Variants in SATL1 observed in about 807,000 individuals in gnomAD.
SATL1 encodes spermidine/spermine N1-acetyl transferase like 1, also known as spermidine/spermine N(1)-acetyltransferase-like protein 1.
In SATL1, 47 loss-of-function variants were observed where a neutral mutation model predicts 51.8. That is an observed-to-expected ratio of 0.91 (90% CI 0.72 to 1.16). SATL1 has a LOEUF of 1.16. Ranked by LOEUF, SATL1 falls within the 50% of genes most tolerant of loss-of-function variation. The pLI, the probability that SATL1 is intolerant of heterozygous loss-of-function variation, is 0.00. For synonymous variants in SATL1, 176 were observed against 182.4 expected, an observed-to-expected ratio of 0.97 and a Z score of 0.28; for missense variants, 520 against 526.4, an observed-to-expected ratio of 0.99 and a Z score of 0.12.
chrX:85,228,270 T>A (rs1928314316), intron 1 of SATL1, among the ~76,000 whole-genome samples: 1 of 111,221 alleles, frequency 9.0e-6, no homozygotes, highest in Admixed American at 9.6e-5. Flanking sequence ...GGCAGACTCC[T>A]TCATTTGTGT....
chrX:85,193,964 G>C (rs958197224), intron 2 of SATL1, among the ~76,000 whole-genome samples: 11 of 111,531 alleles, frequency 9.9e-5, no homozygotes, highest in African/African-American at 3.6e-4. Flanking sequence ...ATTGTGAACA[G>C]TGCTGCAATA....
chrX:85,141,543 C>A (rs1291442783), intron 2 of SATL1, among the ~76,000 whole-genome samples: 1 of 111,525 alleles, frequency 9.0e-6, no homozygotes, highest in Non-Finnish European at 1.9e-5. Flanking sequence ...CTAAGTGTGT[C>A]ACAGTGAATT....
intron 2 of SATL1, among the ~76,000 whole-genome samples, chrX:85,165,369 T>C (rs1926811084): frequency 9.0e-6 from 1 of 111,494 alleles, no homozygotes; most frequent in Non-Finnish European, 1.9e-5. Context: ...TTTCTCTAAG[T>C]GTGTCTTTCA....
intron 2 of SATL1, among the ~76,000 whole-genome samples, chrX:85,149,535 C>G (rs1335264224): frequency 9.0e-6 from 1 of 111,589 alleles, no homozygotes; most frequent in East Asian, 2.8e-4. Flanking sequence ...CACACCACAC[C>G]TATTCCAAAA....
chrX:85,207,280 T>C (rs1325439041), intron 2 of SATL1: 3 of 111,630 alleles, frequency 2.7e-5, no homozygotes, highest in Non-Finnish European at 5.6e-5. Context: ...ACAGTCTTTA[T>C]TCTGTAACAA....
At chrX:85,095,227 TGG>T (rs1924670624) in intron 4 of SATL1, among the ~76,000 whole-genome samples, 1 of 112,058 alleles carries the variant, frequency 8.9e-6, no homozygotes, top group Non-Finnish European at 1.9e-5. Context: ...ATCAGTGAGG[TGG>T]CAGCTACCCA....
At chrX:85,118,746 G>T (rs1925441920) in intron 2 of SATL1, among the ~76,000 whole-genome samples, 1 of 110,180 alleles carries the variant, frequency 9.1e-6, no homozygotes, top group Non-Finnish European at 1.9e-5. Context: ...AAAATCACTG[G>T]GAGTAGATTT....
At chrX:85,140,547 G>A (rs1183869822) in intron 2 of SATL1, among the ~76,000 whole-genome samples, 1 of 111,737 alleles carries the variant, frequency 8.9e-6, no homozygotes, top group Non-Finnish European at 1.9e-5. Context: ...TCATCTGGAT[G>A]GACTCTTGTT....
chrX:85,124,386 T>C (rs765193868), intron 2 of SATL1, among the ~76,000 whole-genome samples: 30 of 112,118 alleles, frequency 2.7e-4, no homozygotes, highest in Non-Finnish European at 4.1e-4. Context: ...AAATGTTACT[T>C]AATCTTTCTG....
At position 85,178,290 on chromosome X, in the gene SATL1, C is replaced by G. The variant is rs748825189; in HGVS notation, c.-313+45915G>C. 3.6e-5 allele frequency among the ~76,000 whole-genome samples: 4 copies of G among 111,723 alleles called. No individual in the cohort carries two copies. The South Asian group carries it at 1.1e-3, about 31-fold the overall frequency. On this transcript the variant is annotated intron_variant, in intron 2 of 7. Transcript: ENST00000644105. ...GACAGTTCATTCCCAAGAATGCCAA[C>G]AGCAAATATTAGTCTAGAAGAAATT...
chrX:85,105,146 T>C (rs1925008054), intron 3 of SATL1, among the ~76,000 whole-genome samples: 1 of 111,786 alleles, frequency 8.9e-6, no homozygotes, highest in Admixed American at 9.6e-5. Context: ...AAACTTTTAA[T>C]GGAAAAAAGC....
intron 2 of SATL1, among the ~76,000 whole-genome samples, chrX:85,195,550 C>G (rs1382137931): frequency 2.7e-5 from 3 of 111,370 alleles, no homozygotes; most frequent in Non-Finnish European, 5.6e-5. Context: ...CAGTGGCTCA[C>G]GCCTGTAATC....
intron 2 of SATL1, among the ~76,000 whole-genome samples, chrX:85,116,431 C>A (rs1433295383): frequency 9.0e-6 from 1 of 111,694 alleles, no homozygotes; most frequent in Non-Finnish European, 1.9e-5. Context: ...GTCTTGTGAC[C>A]CTTCTCCCAT....
chrX:85,095,694 C>T (rs961216569), intron 4 of SATL1, among the ~76,000 whole-genome samples: 55 of 104,778 alleles, frequency 5.2e-4, no homozygotes, highest in African/African-American at 1.8e-3. Context: ...GGCGTAGTGG[C>T]GCGCGCCTGT....
intron 2 of SATL1, among the ~76,000 whole-genome samples, chrX:85,137,489 C>G (rs143293055): frequency 0.018 from 2,018 of 111,093 alleles, 20 homozygotes; most frequent in Middle Eastern, 0.06. Flanking sequence ...TGCCACCACC[C>G]TAGTTTGAAC....
chrX:85,174,089 C>A lies in SATL1; in HGVS notation c.-313+50116G>T, dbSNP rs1016249251. Among the ~76,000 whole-genome samples the A allele has an allele frequency of 2.7e-5, 3 of 109,831 alleles. No individual in the cohort carries two copies. In the Admixed American group the frequency reaches 3.0e-4, roughly 11 times the overall value. On this transcript the variant is annotated intron_variant, in intron 2 of 7. Transcript: ENST00000644105. ...GTTTCCAGCTTCATCAATGTCCCTA[C>A]AAAGGACATGAACTCATCCTTTTTT...
rs769061093 is a variant in SATL1, at chrX:85,242,842, A to G, written c.-435+746T>C. The stretch of plus-strand genomic sequence containing the variant: ...TTCACCCTTTTCAAGCTTGGAAATT[A>G]TATCTCCTCATTCTGCTGAACGTGT... On this transcript the variant is annotated intron_variant, in intron 1 of 7. Transcript: ENST00000644105. Among the ~76,000 whole-genome samples the G allele has an allele frequency of 5.3e-5, 6 of 112,373 alleles. No homozygotes were observed. In the South Asian group the frequency reaches 2.2e-3, roughly 41 times the overall value.
intron 2 of SATL1, among the ~76,000 whole-genome samples, chrX:85,183,057 T>C: frequency 8.9e-6 from 1 of 112,026 alleles, no homozygotes; most frequent in East Asian, 2.8e-4. Context: ...GATTGTTTCC[T>C]TTGCTGTGCA....
intron 2 of SATL1, among the ~76,000 whole-genome samples, chrX:85,154,674 C>A (rs1319133955): frequency 8.9e-6 from 1 of 112,198 alleles, no homozygotes; most frequent in African/African-American, 3.2e-5. Context: ...GCCACTAGAC[C>A]TAAACTCTTA....
Sources: allele counts gnomAD v4.1 joint callset (sites outside exome capture counted in the v4.1 genomes callset), GRCh38; gene constraint gnomAD v4.1.1; transcripts MANE v1.5; gene names NCBI Gene and HGNC (gene_info 2026-07-23, HGNC 2026-07-21).